The following THSD4 variants were observed in gnomAD, a reference collection of about 807,000 sequenced individuals.
THSD4 encodes thrombospondin type-1 domain-containing protein 4.
THSD4 carries 69 observed loss-of-function variants against 119.0 expected under a neutral mutation model. The observed-to-expected ratio is 0.58, with a 90% CI of 0.48 to 0.71. THSD4 has a LOEUF of 0.71. THSD4 is among the 30% of genes least tolerant of loss of function. The pLI is 0.00. For missense variants in THSD4, 1,393 were observed against 1,391.1 expected (o/e 1.00, Z -0.02); for synonymous variants, 524 against 540.4 (o/e 0.97, Z 0.42).
At chr15:71,571,852 G>A (rs2049364892) in intron 7 of THSD4, among the ~76,000 whole-genome samples, 1 of 152,162 alleles carries the variant, frequency 6.6e-6, no homozygotes, top group Non-Finnish European at 1.5e-5. Context: ...CAGCTGCTGG[G>A]GTTGGCCACA....
chr15:71,674,478 T>G (rs2051598261), intron 8 of THSD4, among the ~76,000 whole-genome samples: 1 of 152,184 alleles, frequency 6.6e-6, no homozygotes, highest in African/African-American at 2.4e-5. Context: ...GGATCAGTGC[T>G]TTTCACCCTG....
intron 7 of THSD4, among the ~76,000 whole-genome samples, chr15:71,507,710 C>T (rs1470152911): frequency 6.6e-6 from 1 of 152,154 alleles, no homozygotes; most frequent in African/African-American, 2.4e-5. Context: ...GACTCCATAT[C>T]CTTTGTGCCT....
intron 6 of THSD4, among the ~76,000 whole-genome samples, chr15:71,410,448 A>G (rs1055999344): frequency 9.9e-5 from 15 of 152,188 alleles, no homozygotes; most frequent in Non-Finnish European, 1.8e-4. Context: ...CAGGCCAGCC[A>G]AGTGAGGGAA....
chr15:71,645,474 G>A (rs1197612382), intron 7 of THSD4, among the ~76,000 whole-genome samples: 1 of 152,094 alleles, frequency 6.6e-6, no homozygotes, highest in African/African-American at 2.4e-5. Context: ...CCTCCCACCA[G>A]GTTTCTCCCA....
intron 3 of THSD4, among the ~76,000 whole-genome samples, chr15:71,192,692 A>C (rs2043683622): frequency 2.6e-5 from 4 of 152,116 alleles, no homozygotes. Context: ...GACTTATTTC[A>C]GTGTCCTGCA....
intron 16 of THSD4, among the ~76,000 whole-genome samples, chr15:71,770,612 G>A (rs535883868): frequency 1.9e-3 from 292 of 151,352 alleles, no homozygotes; most frequent in Non-Finnish European, 3.7e-3. Flanking sequence ...CCGAGATCAC[G>A]CCACTGCACT....
chr15:71,378,871 A>G (rs569455207), intron 6 of THSD4, among the ~76,000 whole-genome samples: 57 of 152,198 alleles, frequency 3.7e-4, no homozygotes, highest in Non-Finnish European at 4.4e-4. Flanking sequence ...GCAGCCTGGA[A>G]CTCCGGAGCT....
intron 4 of THSD4, among the ~76,000 whole-genome samples, chr15:71,216,937 C>T (rs2043937946): frequency 6.6e-6 from 1 of 152,178 alleles, no homozygotes; most frequent in Non-Finnish European, 1.5e-5. Flanking sequence ...GCTGGGATTA[C>T]AGGCATGCAC....
chr15:71,205,243 T>A (rs764303184), intron 3 of THSD4, among the ~76,000 whole-genome samples: 40 of 152,300 alleles, frequency 2.6e-4, no homozygotes, highest in Middle Eastern at 3.4e-3. Flanking sequence ...GGCAGGGGCA[T>A]GTCCACGTGT....
intron 8 of THSD4, among the ~76,000 whole-genome samples, chr15:71,719,379 G>A (rs551476886): frequency 9.8e-5 from 15 of 152,292 alleles, no homozygotes; most frequent in Admixed American, 2.6e-4. Context: ...TGATATCTGC[G>A]TATATTTGTT....
At chr15:71,762,300 A>G (rs868838943) in intron 15 of THSD4, among the ~76,000 whole-genome samples, 10 of 152,196 alleles carry the variant, frequency 6.6e-5, no homozygotes, top group Non-Finnish European at 1.2e-4. Flanking sequence ...GAAGTACACA[A>G]TCTCTTCAAG....
chr15:71,613,348 C>T (rs2050264210), intron 7 of THSD4, among the ~76,000 whole-genome samples: 1 of 152,064 alleles, frequency 6.6e-6, no homozygotes, highest in Non-Finnish European at 1.5e-5. Context: ...CAAACTTGTC[C>T]CTGGATCCAT....
At chr15:71,596,443 C>A (rs4238441) in intron 7 of THSD4, among the ~76,000 whole-genome samples, 139,022 of 152,274 alleles carry the variant, frequency 0.91, 64,873 homozygotes, top group East Asian at 1. Context: ...GCATCAGTGC[C>A]TCATCTTCCA....
intron 6 of THSD4, among the ~76,000 whole-genome samples, chr15:71,297,287 A>G (rs1407266844): frequency 6.8e-6 from 1 of 147,276 alleles, no homozygotes; most frequent in African/African-American, 2.5e-5. Context: ...GCAGAAAAAT[A>G]TTTATTCAAG....
chr15:71,625,878 C>T (rs1012765422), intron 7 of THSD4, among the ~76,000 whole-genome samples: 1 of 152,168 alleles, frequency 6.6e-6, no homozygotes, highest in Non-Finnish European at 1.5e-5. Context: ...CACAGACTGG[C>T]AGTCCATAAT....
At chr15:71,253,594 A>C (rs2044283039) in intron 5 of THSD4, among the ~76,000 whole-genome samples, 1 of 152,100 alleles carries the variant, frequency 6.6e-6, no homozygotes, top group Non-Finnish European at 1.5e-5. Flanking sequence ...TTTTTAATAG[A>C]GACAGGGTTA....
intron 6 of THSD4, among the ~76,000 whole-genome samples, chr15:71,317,917 A>G (rs1363037267): frequency 1.3e-5 from 2 of 152,180 alleles, no homozygotes; most frequent in Admixed American, 1.3e-4. Context: ...TGATTAGCAA[A>G]TGCCTGGTAT....
intron 7 of THSD4, among the ~76,000 whole-genome samples, chr15:71,635,606 A>T (rs1343442531): frequency 6.6e-6 from 1 of 152,264 alleles, no homozygotes; most frequent in Non-Finnish European, 1.5e-5. Flanking sequence ...ATTGGAAAAC[A>T]TGATCTTCTA....
chr15:71,183,479 T>A (rs2043558281), intron 3 of THSD4, among the ~76,000 whole-genome samples: 1 of 151,602 alleles, frequency 6.6e-6, no homozygotes, highest in East Asian at 1.9e-4. Flanking sequence ...AGTTTCCTCA[T>A]CTGTAAAATG....
Sources: gnomAD v4.1 joint callset for allele counts (sites outside exome capture counted in the v4.1 genomes callset) on GRCh38, gnomAD v4.1.1 for gene constraint, MANE v1.5 for transcripts, NCBI Gene and HGNC (gene_info 2026-07-23, HGNC 2026-07-21) for gene names.